DHRS11: variants seen among roughly 807,000 people sequenced by gnomAD.
DHRS11 encodes dehydrogenase/reductase SDR family member 11.
A neutral mutation model predicts 30.7 loss-of-function variants in DHRS11; 18 were observed. That is an observed-to-expected ratio of 0.59 (90% confidence interval 0.41 to 0.87). The LOEUF is 0.87. Ranked by LOEUF, DHRS11 falls within the 40% of genes least tolerant of loss-of-function variation. DHRS11 has a pLI of 0.00. For synonymous variants in DHRS11, 123 were observed against 139.6 expected, an observed-to-expected ratio of 0.88 and a Z score of 0.84; for missense variants, 300 against 349.0, an observed-to-expected ratio of 0.86 and a Z score of 1.12.
Position 36,600,317 on chromosome 17 carries a change from C to G in DHRS11, c.*114C>G, listed in dbSNP as rs895842064. ...TACCACTTCCTGTCCACACCCCGAC[C>G]AGGGGCTAGAAAATTTGTTTGAGAT... On this transcript the variant is annotated 3_prime_UTR_variant, in exon 7 of 7. Coordinates refer to ENST00000618403, the MANE Select transcript of DHRS11 (RefSeq NM_024308.4). The G allele has an allele frequency of 2.9e-5, 36 of 1,248,188 alleles. No homozygotes were observed. Among genetic ancestry groups the G allele is most frequent in the Non-Finnish European group, 3.6e-5 (32 of 884,784 alleles). 77.3% of individuals were successfully genotyped at this position (1,248,188 alleles called of 1,614,324 possible).
chr17:36,594,894 G>T, intron 1 of DHRS11, 77 bp from the exon 2 acceptor site: 5 of 1,488,138 alleles, frequency 3.4e-6, no homozygotes, highest in Non-Finnish European at 4.7e-6. Flanking sequence ...GTGTGACGGG[G>T]GTCGGGGTCT....
At chr17:36,596,851 T>G in intron 2 of DHRS11, 1 of 470,928 alleles carries the variant, frequency 2.1e-6, no homozygotes, top group South Asian at 1.5e-5. Context: ...TCACAGATGC[T>G]TGGGCCTGGA....
chr17:36,595,259 C>A, intron 2 of DHRS11, 79 bp downstream of exon 2: 1 of 1,521,860 alleles, frequency 6.6e-7, no homozygotes, highest in South Asian at 1.1e-5. Context: ...AACCAGAGTG[C>A]TGCTGGGGAC....
In DHRS11 at chr17:36,592,815, G is replaced by T. The variant is rs749582126; in HGVS notation, c.147+659G>T. 3.3e-5 allele frequency among the ~76,000 whole-genome samples: 5 copies of T among 152,130 alleles called. No individual in the cohort carries two copies. The highest frequency in any genetic ancestry group is 7.4e-5 in the Non-Finnish European group (5 of 68,012). ...GAAAAATCAAGATGGCCATTTTGGAGCAGGGAGGAATTTCTGTGCTAGGCT... is the reference window on the plus strand; with the variant it reads ...GAAAAATCAAGATGGCCATTTTGGATCAGGGAGGAATTTCTGTGCTAGGCT... On this transcript the variant is annotated intron_variant, in intron 1 of 6. Coordinates refer to ENST00000618403, the MANE Select transcript of DHRS11 (RefSeq NM_024308.4). The surrounding 1 kb of genome is among the most constrained non-coding windows in gnomAD (Gnocchi z 4.4).
intron 3 of DHRS11, 132 bp from the exon 4 acceptor site, chr17:36,598,789 G>A: frequency 1.7e-6 from 2 of 1,195,794 alleles, no homozygotes; most frequent in Non-Finnish European, 2.3e-6. Context: ...CTGTAGGATG[G>A]CCAGTAGAGG....
chr17:36,599,506 C>A, intron 4 of DHRS11, 165 bp from the exon 5 acceptor site: 1 of 650,044 alleles, frequency 1.5e-6, no homozygotes. Context: ...TGGTAGGTAT[C>A]ATTGTGGTCA....
In DHRS11 at chr17:36,591,933, C is replaced by T. The variant is rs551715766; in HGVS notation, c.-77C>T. 4.1e-4 allele frequency: 498 copies of T among 1,212,484 alleles called. 4 individuals are homozygous for T. The East Asian group carries it at 0.014, about 35-fold the overall frequency. 75.1% of individuals were successfully genotyped at this position (1,212,484 alleles called of 1,614,324 possible). On this transcript the variant is annotated 5_prime_UTR_variant, in exon 1 of 7. Coordinates refer to ENST00000618403, the MANE Select transcript of DHRS11 (RefSeq NM_024308.4). ...GACCCAAGCAGGTCGGCGGCGGCGGCAGGAGAGCGGCCGGGCGTCAGCTCC... is the reference window on the plus strand; with the variant it reads ...GACCCAAGCAGGTCGGCGGCGGCGGTAGGAGAGCGGCCGGGCGTCAGCTCC...
chr17:36,595,057 C>A lies in DHRS11; in HGVS notation c.234C>A (p.Leu78=), dbSNP rs1469789718. Residue 78 remains leucine, a synonymous_variant, in exon 2 of 7, where the codon CTC becomes CTA. Transcript: ENST00000618403. ...ACCTATCAAATGAAGAGGACATCCT[C>A]TCCATGTTCTCAGCTATCCGTTCTC... ...RCDLSNEEDI[L]SMFSAIRSQH... 1 of 1,614,260 alleles carries A rather than the reference C, an allele frequency of 6.2e-7. No homozygotes were observed. The highest frequency in any genetic ancestry group is 8.5e-7 in the Non-Finnish European group (1 of 1,180,046).
intron 2 of DHRS11, among the ~76,000 whole-genome samples, chr17:36,596,125 A>G (rs147072603): frequency 2.6e-4 from 40 of 151,664 alleles, no homozygotes; most frequent in African/African-American, 6.5e-4. Flanking sequence ...TAGTTGCTCT[A>G]TGGTGGTGTG....
At chr17:36,594,890 C>T (rs943374706) in intron 1 of DHRS11, 81 bp from the exon 2 acceptor site, 18 of 1,450,840 alleles carry the variant, frequency 1.2e-5, no homozygotes, top group Admixed American at 7.2e-5. Flanking sequence ...ATGAGTGTGA[C>T]GGGGGTCGGG....
Position 36,592,099 on chromosome 17 carries a change from C to T in DHRS11, c.90C>T (p.Ala30=). The T allele has an allele frequency of 8.0e-7, 1 of 1,257,678 alleles. No homozygotes were observed. Among genetic ancestry groups the T allele is most frequent in the Non-Finnish European group, 1.0e-6 (1 of 1,000,826 alleles). 77.9% of individuals were successfully genotyped at this position (1,257,678 alleles called of 1,614,324 possible). A position where few individuals can be genotyped will look rare whatever the true frequency, so the allele number is the denominator to read the frequency against. Residue 30 remains alanine (A), a synonymous_variant, in exon 1 of 7, where the codon GCC becomes GCT. Coordinates refer to ENST00000618403, the MANE Select transcript of DHRS11 (RefSeq NM_024308.4). This position sits in a 1 kb window ranked among gnomAD's most constrained non-coding sequence, Gnocchi z 4.4. ...SGGIGAAVAR[A]LVQQGLKVVG... is the part of the protein sequence containing the mutation. ...GCATCGGCGCGGCCGTGGCCCGGGCCCTGGTCCAGCAGGGACTGAAGGTGG... is the reference window on the plus strand; with the variant it reads ...GCATCGGCGCGGCCGTGGCCCGGGCTCTGGTCCAGCAGGGACTGAAGGTGG...
intron 1 of DHRS11, among the ~76,000 whole-genome samples, chr17:36,594,371 G>A (rs998323751): frequency 1.3e-5 from 2 of 152,176 alleles, no homozygotes; most frequent in African/African-American, 4.8e-5. Context: ...AGGCAGAAAA[G>A]AGAGAGCACT....
intron 2 of DHRS11, 137 bp from the exon 3 acceptor site, chr17:36,598,026 T>C (rs1050725157): frequency 8.9e-5 from 73 of 819,150 alleles, no homozygotes; most frequent in Admixed American, 7.9e-4. Context: ...GCTCTGTGCC[T>C]GTGGCTGGTC....
At position 36,594,952 on chromosome 17, in the gene DHRS11, C is replaced by G; in HGVS notation, c.148-19C>G. 1 of 1,613,910 alleles carries G rather than the reference C, an allele frequency of 6.2e-7. No homozygotes were observed. The highest frequency in any genetic ancestry group is 8.5e-7 in the Non-Finnish European group (1 of 1,179,952). On this transcript the variant is annotated intron_variant, in intron 1 of 6. Transcript: ENST00000618403. ...GAGTGAGCTGCTCACCCCAGTCAGA[C>G]CCCTGTTGGGTTTCATAGGAGCTGG...
intron 6 of DHRS11, 30 bp from the exon 7 acceptor site, chr17:36,600,132 C>T: frequency 6.2e-7 from 1 of 1,612,938 alleles, no homozygotes; most frequent in South Asian, 1.1e-5. Flanking sequence ...GAGAGTGTCA[C>T]AGCTGCCTCA....
chr17:36,599,106 A>C, intron 4 of DHRS11, 56 bp downstream of exon 4: 1 of 1,577,068 alleles, frequency 6.3e-7, no homozygotes, highest in Non-Finnish European at 8.6e-7. Context: ...CTCCCCACCC[A>C]CACACACCGT....
intron 2 of DHRS11, chr17:36,596,689 A>G (rs1443458964): frequency 8.9e-6 from 4 of 447,172 alleles, no homozygotes; most frequent in Non-Finnish European, 1.9e-5. Flanking sequence ...GGCCAAACCC[A>G]ACTTTCAGGA....
Position 36,592,263 on chromosome 17 carries a change from C to G in DHRS11, c.147+107C>G. ...CTTTGCTCTAGTCGGGGCGGCCTCTCGGATCCCTTAAGGCAGGCTTCTCCC... is the reference window on the plus strand; with the variant it reads ...CTTTGCTCTAGTCGGGGCGGCCTCTGGGATCCCTTAAGGCAGGCTTCTCCC... On this transcript the variant is annotated intron_variant, in intron 1 of 6. Transcript: ENST00000618403. This position sits in a 1 kb window ranked among gnomAD's most constrained non-coding sequence, Gnocchi z 4.4. 1 of 1,200,778 alleles carries G rather than the reference C, an allele frequency of 8.3e-7. No individual in the cohort carries two copies. Among genetic ancestry groups the G allele is most frequent in the Non-Finnish European group, 1.0e-6 (1 of 961,114 alleles). The allele number at this position is 1,200,778 out of a possible 1,614,324, so 74.4% of individuals were successfully genotyped here.
chr17:36,592,105 C>T lies in DHRS11; in HGVS notation c.96C>T (p.Val32=). 7.9e-7 allele frequency: 1 copy of T among 1,264,860 alleles called. No individual in the cohort carries two copies. The highest frequency in any genetic ancestry group is 1.0e-6 in the Non-Finnish European group (1 of 1,004,728). 78.4% of individuals were successfully genotyped at this position (1,264,860 alleles called of 1,614,324 possible). ...GCGCGGCCGTGGCCCGGGCCCTGGT[C>T]CAGCAGGGACTGAAGGTGGTGGGCT... ...GIGAAVARAL[V]QQGLKVVGCA... Residue 32 remains valine, a synonymous_variant, in exon 1 of 7, where the codon GTC becomes GTT. Transcript: ENST00000618403. The surrounding 1 kb of genome is among the most constrained non-coding windows in gnomAD (Gnocchi z 4.4).
Sources: gnomAD v4.1 joint callset for allele counts (sites outside exome capture counted in the v4.1 genomes callset) on GRCh38, gnomAD v4.1.1 for gene constraint, Gnocchi (gnomAD v3.1) non-coding constraint, MANE v1.5 for transcripts, NCBI Gene and HGNC (gene_info 2026-07-23, HGNC 2026-07-21) for gene names.